The following PLPP3 variants were observed in gnomAD, a reference collection of about 807,000 sequenced individuals.
The protein encoded by PLPP3 is PAP2 beta.
In PLPP3, 6 loss-of-function variants were observed where a neutral mutation model predicts 29.6. The ratio of observed to expected loss-of-function variants is 0.20; its 90% CI spans 0.11 to 0.40. The LOEUF (loss-of-function observed/expected upper bound fraction) is 0.40. PLPP3 is among the 10% of genes least tolerant of loss of function. The pLI is 1.00. For synonymous variants in PLPP3, 152 were observed against 159.7 expected, an observed-to-expected ratio of 0.95 and a Z score of 0.36; for missense variants, 308 against 407.7, an observed-to-expected ratio of 0.76 and a Z score of 2.11.
At chr1:56,497,251 G>A (rs1455337623) in intron 5 of PLPP3, among the ~76,000 whole-genome samples, 2 of 152,240 alleles carry the variant, frequency 1.3e-5, no homozygotes, top group Non-Finnish European at 2.9e-5. Flanking sequence ...TGGAGGAACG[G>A]TTAATGACAA....
At chr1:56,523,331 G>A (rs1354550973) in intron 4 of PLPP3, among the ~76,000 whole-genome samples, 1 of 152,176 alleles carries the variant, frequency 6.6e-6, no homozygotes, top group Admixed American at 6.5e-5. Flanking sequence ...CAGTCCTGCT[G>A]TTACGTACAT....
At chr1:56,561,795 G>C (rs1646130655) in intron 1 of PLPP3, among the ~76,000 whole-genome samples, 1 of 151,918 alleles carries the variant, frequency 6.6e-6, no homozygotes, top group Admixed American at 6.6e-5. Context: ...AGCACTCTGG[G>C]AGGCCAAGGC....
chr1:56,511,941 C>A (rs1390324338), intron 5 of PLPP3, 35 bp downstream of exon 5: 1 of 1,609,964 alleles, frequency 6.2e-7, no homozygotes, highest in Non-Finnish European at 8.5e-7. Context: ...CAGTCCAGGG[C>A]TCCACTTGCA....
chr1:56,547,412 C>T (rs1030213129), intron 1 of PLPP3, among the ~76,000 whole-genome samples: 3 of 152,200 alleles, frequency 2.0e-5, no homozygotes, highest in Non-Finnish European at 2.9e-5. Context: ...TTAACCTAAT[C>T]TCTCCCACAT....
intron 5 of PLPP3, among the ~76,000 whole-genome samples, chr1:56,509,853 A>AAAAAAAT (rs377448398): frequency 6.5e-5 from 9 of 139,268 alleles, no homozygotes; most frequent in African/African-American, 1.1e-4. Flanking sequence ...AAAAAAAAAA[A>AAAAAAAT]GGAAGACAAT....
chr1:56,562,241 G>A (rs1646134923), intron 1 of PLPP3, among the ~76,000 whole-genome samples: 1 of 151,900 alleles, frequency 6.6e-6, no homozygotes, highest in African/African-American at 2.4e-5. Flanking sequence ...AGATTCTGAA[G>A]AGTCTCAAAT....
At chr1:56,555,084 T>G (rs900273495) in intron 1 of PLPP3, among the ~76,000 whole-genome samples, 1 of 152,092 alleles carries the variant, frequency 6.6e-6, no homozygotes, top group Non-Finnish European at 1.5e-5. Flanking sequence ...GAGTTGTAAT[T>G]TGCCAAATGA....
intron 1 of PLPP3, among the ~76,000 whole-genome samples, chr1:56,554,302 G>A (rs1646059301): frequency 1.3e-5 from 2 of 152,108 alleles, no homozygotes; most frequent in Admixed American, 1.3e-4. Flanking sequence ...GCCGGGCGCG[G>A]TGGCTGACGC....
chr1:56,544,558 A>G (rs1645992935), intron 1 of PLPP3, among the ~76,000 whole-genome samples: 1 of 152,180 alleles, frequency 6.6e-6, no homozygotes, highest in Admixed American at 6.5e-5. Context: ...TAATTCTCAA[A>G]ACAATTTTCT....
intron 5 of PLPP3, among the ~76,000 whole-genome samples, chr1:56,500,621 T>C (rs543487310): frequency 6.6e-5 from 10 of 152,254 alleles, no homozygotes; most frequent in African/African-American, 2.4e-4. Context: ...TCTTGGGACA[T>C]GTTAAAAGTT....
In PLPP3 at chr1:56,579,103, C is replaced by G; in HGVS notation, c.-87G>C. The G allele has an allele frequency of 6.5e-7, 1 of 1,539,238 alleles. No individual in the cohort carries two copies. Among genetic ancestry groups the G allele is most frequent in the Non-Finnish European group, 8.7e-7 (1 of 1,151,518 alleles). ...CCCAGGCGCCCGGGTCGCCTCCTGG[C>G]CGAGGCTGCTGCGGATAGTGGCGGG... On this transcript the variant is annotated 5_prime_UTR_variant, in exon 1 of 6. Transcript: ENST00000371250.
At chr1:56,530,867 C>A (rs1454538831) in intron 2 of PLPP3, among the ~76,000 whole-genome samples, 4 of 152,182 alleles carry the variant, frequency 2.6e-5, no homozygotes. Flanking sequence ...CCTGAAAACA[C>A]TTCATTGTTT....
At position 56,538,959 on chromosome 1, in the gene PLPP3, C is replaced by CAAAAAAAAACAAAACAAAA. The variant is rs1553137993; in HGVS notation, c.140-1848_140-1847insTTTTGTTTTGTTTTTTTTT. 9.3e-5 allele frequency: 9 copies of CAAAAAAAAACAAAACAAAA among 96,500 alleles called. No individual in the cohort carries two copies. In the East Asian group the frequency reaches 2.2e-3, roughly 24 times the overall value. 6.0% of individuals were successfully genotyped at this position (96,500 alleles called of 1,614,324 possible). On this transcript the variant is annotated intron_variant, in intron 1 of 5. Transcript: ENST00000371250. ...AAATAAATACAAGACTTCTGGGCTG[C>CAAAAAAAAACAAAACAAAA]AAAAAAAAAAAACACAGTGGATAAT...
At chr1:56,505,432 A>T (rs1393039004) in intron 5 of PLPP3, among the ~76,000 whole-genome samples, 1 of 152,212 alleles carries the variant, frequency 6.6e-6, no homozygotes, top group African/African-American at 2.4e-5. Context: ...GAAGTTTTAT[A>T]AGTACAGTTG....
intron 2 of PLPP3, among the ~76,000 whole-genome samples, chr1:56,530,829 T>C (rs142348292): frequency 2.0e-4 from 31 of 152,302 alleles, no homozygotes; most frequent in African/African-American, 7.2e-4. Flanking sequence ...ATTCCATTCA[T>C]TCAGCCAAAC....
At chr1:56,523,536 T>C (rs75192039) in intron 4 of PLPP3, among the ~76,000 whole-genome samples, 2,812 of 152,312 alleles carry the variant, frequency 0.018, 88 homozygotes, top group African/African-American at 0.064. Context: ...ACCAACCTAA[T>C]ACAAGTGTCT....
At chr1:56,562,378 G>A (rs12044296) in intron 1 of PLPP3, among the ~76,000 whole-genome samples, 4 of 152,118 alleles carry the variant, frequency 2.6e-5, no homozygotes, top group Middle Eastern at 3.2e-3. Context: ...AAGAATACAC[G>A]GGGGAGGAGA....
Position 56,524,150 on chromosome 1 carries a change from G to T in PLPP3, c.575+127C>A. The T allele has an allele frequency of 8.8e-7, 1 of 1,141,822 alleles. No homozygotes were observed. The highest frequency in any genetic ancestry group is 1.3e-6 in the Non-Finnish European group (1 of 795,950). 70.7% of individuals were successfully genotyped at this position (1,141,822 alleles called of 1,614,324 possible). A position where few individuals can be genotyped will look rare whatever the true frequency, so the allele number is the denominator to read the frequency against. On this transcript the variant is annotated intron_variant, in intron 3 of 5. Transcript: ENST00000371250. This position sits in a 1 kb window ranked among gnomAD's most constrained non-coding sequence, Gnocchi z 4.3. ...ATATCTGTCTCAATCATCTGACTGTGAGTTCCTCAAGAATAGGAACTATGC... is the reference window on the plus strand; with the variant it reads ...ATATCTGTCTCAATCATCTGACTGTTAGTTCCTCAAGAATAGGAACTATGC...
intron 4 of PLPP3, 99 bp downstream of exon 4, chr1:56,523,722 TCA>T (rs1416659344): frequency 6.9e-6 from 9 of 1,312,520 alleles, no homozygotes; most frequent in Non-Finnish European, 9.8e-6. Flanking sequence ...TTCAAGGATT[TCA>T]CAGTGATGGC....
Sources: allele counts gnomAD v4.1 joint callset (sites outside exome capture counted in the v4.1 genomes callset), GRCh38; gene constraint gnomAD v4.1.1; non-coding constraint Gnocchi (gnomAD v3.1); transcripts MANE v1.5; gene names NCBI Gene and HGNC (gene_info 2026-07-23, HGNC 2026-07-21).